The following MGST2 variants were observed in gnomAD, a reference collection of about 807,000 sequenced individuals.
MGST2 encodes the protein glutathione peroxidase MGST2.
MGST2 carries 9 observed loss-of-function variants against 16.6 expected under a neutral mutation model. The observed-to-expected ratio is 0.54, with a 90% CI of 0.33 to 0.95. The LOEUF (loss-of-function observed/expected upper bound fraction) is 0.95. MGST2 is among the 40% of genes least tolerant of loss of function. The pLI, the probability that MGST2 is intolerant of heterozygous loss-of-function variation, is 0.03. For missense variants in MGST2, 159 were observed against 175.1 expected, an observed-to-expected ratio of 0.91 and a Z score of 0.52; for synonymous variants, 79 against 68.0, an observed-to-expected ratio of 1.16 and a Z score of -0.79.
rs1402399722 is a variant in MGST2, at chr4:139,725,099, A to T, written c.*49-15113A>T. Among the ~76,000 whole-genome samples the T allele has an allele frequency of 3.3e-5, 5 of 152,126 alleles. No individual in the cohort carries two copies. In the East Asian group the frequency reaches 9.6e-4, roughly 29 times the overall value. On this transcript the variant is annotated intron_variant, in intron 5 of 5. Coordinates refer to the MGST2 transcript ENST00000616265. Reference sequence around the variant, plus strand: ...TAGAGATGGAAGGGTTTGATATTTGAACGGGCCTTCCACATTTATAAAGGA... The same window carrying T: ...TAGAGATGGAAGGGTTTGATATTTGTACGGGCCTTCCACATTTATAAAGGA...
In MGST2 at chr4:139,665,930, C is replaced by T. The variant is rs1332188817; in HGVS notation, c.-90C>T. 4 of 1,360,286 alleles carry T rather than the reference C, an allele frequency of 2.9e-6. No individual in the cohort carries two copies. The highest frequency in any genetic ancestry group is 4.2e-6 in the Non-Finnish European group (4 of 956,228). The allele number at this position is 1,360,286 out of a possible 1,614,324, so 84.3% of individuals were successfully genotyped here. ...CCTTTTCCCCCCACCCGGTCCCCAA[C>T]TTTGTTTACCCGATAAGGAAGGTCA... On this transcript the variant is annotated 5_prime_UTR_variant, in exon 1 of 5. Transcript: ENST00000265498.
rs924962473 is a variant in MGST2 at position 139,735,659 on chromosome 4, T to C, written c.*49-4553T>C. ...GGCCTACGAACAACCTAAATGAAAT[T>C]TAGGGTTTTATTGAAAAAGTCCCCT... On this transcript the variant is annotated intron_variant, in intron 5 of 5. Transcript: ENST00000616265. The surrounding 1 kb of genome is among the most constrained non-coding windows in gnomAD (Gnocchi z 5.8). 1.3e-5 allele frequency among the ~76,000 whole-genome samples: 2 copies of C among 152,150 alleles called. No homozygotes were observed. Among genetic ancestry groups the C allele is most frequent in the African/African-American group, 4.8e-5 (2 of 41,430 alleles).
intron 2 of MGST2, among the ~76,000 whole-genome samples, chr4:139,691,690 TGATGATG>T (rs1726602311): frequency 5.4e-5 from 8 of 148,562 alleles, no homozygotes; most frequent in East Asian, 2.0e-4. Flanking sequence ...ATGATGATGA[TGATGATG>T]ATTATTATTA....
At chr4:139,678,852 C>T (rs1410809992) in intron 2 of MGST2, 1 of 606,788 alleles carries the variant, frequency 1.6e-6, no homozygotes, top group Non-Finnish European at 3.0e-6. Context: ...ATTACCAATT[C>T]AGCAGGGTAT....
intron 3 of MGST2, among the ~76,000 whole-genome samples, chr4:139,696,345 C>T (rs1051417488): frequency 2.6e-5 from 4 of 152,186 alleles, no homozygotes; most frequent in Admixed American, 2.6e-4. Context: ...CCTTCTTCCA[C>T]TGTTACGTTT....
intron 5 of MGST2, chr4:139,719,571 C>T (rs778998076): frequency 1.2e-6 from 2 of 1,613,570 alleles, no homozygotes; most frequent in South Asian, 1.1e-5. Flanking sequence ...GCTGGCATGC[C>T]TGGGACTCCC....
At position 139,679,434 on chromosome 4, in the gene MGST2, C is replaced by T. The variant is rs546486471; in HGVS notation, c.158+792C>T. Reference sequence around the variant, plus strand: ...GTGTCAAATGAGTTGGAGGAAGCATCCTGTTCTACTTTCTCAGATAATTTT... The same window carrying T: ...GTGTCAAATGAGTTGGAGGAAGCATTCTGTTCTACTTTCTCAGATAATTTT... On this transcript the variant is annotated intron_variant, in intron 2 of 4. Transcript: ENST00000265498. Among the ~76,000 whole-genome samples, 5 of 152,238 alleles carry T rather than the reference C, an allele frequency of 3.3e-5. No individual in the cohort carries two copies. In the South Asian group the frequency reaches 1.0e-3, roughly 32 times the overall value.
At chr4:139,720,024 C>A (rs1448100347) in intron 5 of MGST2, 2 of 1,614,084 alleles carry the variant, frequency 1.2e-6, no homozygotes, top group South Asian at 2.2e-5. Context: ...ACCCCCTGCC[C>A]AGAGGCAGGT....
chr4:139,702,219 A>G (rs1727287984), intron 3 of MGST2, among the ~76,000 whole-genome samples: 1 of 152,176 alleles, frequency 6.6e-6, no homozygotes, highest in East Asian at 1.9e-4. Flanking sequence ...TTTGTATGTA[A>G]TAAAATGCAT....
intron 5 of MGST2, chr4:139,730,686 G>C: frequency 6.3e-7 from 1 of 1,598,068 alleles, no homozygotes; most frequent in South Asian, 1.1e-5. Flanking sequence ...ACAAGAGAGA[G>C]GGAGATGCAG....
At chr4:139,681,102 G>A (rs1180311576) in intron 2 of MGST2, among the ~76,000 whole-genome samples, 1 of 152,046 alleles carries the variant, frequency 6.6e-6, no homozygotes, top group Non-Finnish European at 1.5e-5. Flanking sequence ...CTGCAGCCTT[G>A]ACCTGCCAGC....
Position 139,678,696 on chromosome 4 carries a change from A to G in MGST2, c.158+54A>G, listed in dbSNP as rs1291816839. The G allele has an allele frequency of 1.3e-5, 17 of 1,339,986 alleles. No homozygotes were observed. In the East Asian group the frequency reaches 3.5e-4, roughly 27 times the overall value. 83.0% of individuals were successfully genotyped at this position (1,339,986 alleles called of 1,614,324 possible). On this transcript the variant is annotated intron_variant, in intron 2 of 4. Coordinates refer to ENST00000265498, the MANE Select transcript of MGST2 (RefSeq NM_002413.5). ...GATCTGTGCCTGCCATACAGACACA[A>G]TTCCTGACTAGGGGAAAGGGATATG...
At chr4:139,751,143 A>G in the MGST2 span, among the ~76,000 whole-genome samples, 6 of 152,214 alleles carry the variant, frequency 3.9e-5, no homozygotes, top group Non-Finnish European at 1.5e-5. Flanking sequence ...AAATAACAAA[A>G]TGCCTCTGAA....
intron 5 of MGST2, among the ~76,000 whole-genome samples, chr4:139,733,395 G>A (rs532603403): frequency 1.2e-4 from 18 of 152,098 alleles, no homozygotes; most frequent in Admixed American, 5.2e-4. Context: ...TGACCAGCCC[G>A]CACAGCTGGG....
downstream of MGST2, among the ~76,000 whole-genome samples, chr4:139,741,739 C>T (rs903800540): frequency 2.0e-5 from 3 of 152,064 alleles, no homozygotes; most frequent in African/African-American, 7.2e-5. Flanking sequence ...AGAGTGAGAC[C>T]CTGTCTCAAA....
chr4:139,683,919 GTT>G (rs34222679), intron 2 of MGST2, among the ~76,000 whole-genome samples: 668 of 92,370 alleles, frequency 7.2e-3, no homozygotes, highest in African/African-American at 0.025. Flanking sequence ...TCAGTTTTGT[GTT>G]TTTTTTTTTT....
chr4:139,745,709 T>C (rs1729297789), downstream of MGST2, among the ~76,000 whole-genome samples: 1 of 152,232 alleles, frequency 6.6e-6, no homozygotes, highest in Admixed American at 6.5e-5. Context: ...AAAATAATGC[T>C]AGTTTTTCTG....
intron 5 of MGST2, among the ~76,000 whole-genome samples, chr4:139,710,447 A>C (rs1408727981): frequency 6.7e-6 from 1 of 149,952 alleles, no homozygotes; most frequent in East Asian, 1.9e-4. Flanking sequence ...AACGAGTATA[A>C]GTAAGAATAT....
At chr4:139,697,186 G>C (rs1726973848) in intron 3 of MGST2, among the ~76,000 whole-genome samples, 1 of 151,946 alleles carries the variant, frequency 6.6e-6, no homozygotes, top group Non-Finnish European at 1.5e-5. Context: ...TTATAGATAA[G>C]GGCAGTCCTG....
Sources: gnomAD v4.1 joint callset for allele counts (sites outside exome capture counted in the v4.1 genomes callset) on GRCh38, gnomAD v4.1.1 for gene constraint, Gnocchi (gnomAD v3.1) non-coding constraint, MANE v1.5 for transcripts, NCBI Gene and HGNC (gene_info 2026-07-23, HGNC 2026-07-21) for gene names.